CLIC1: variants seen among roughly 807,000 people sequenced by gnomAD.
The protein encoded by CLIC1 is CLIC family member 1, also known as chloride intracellular channel protein 1.
A neutral mutation model predicts 26.4 loss-of-function variants in CLIC1; 16 were observed. The ratio of observed to expected loss-of-function variants is 0.61; its 90% CI spans 0.41 to 0.92. CLIC1 has a LOEUF of 0.92. Ranked by LOEUF, CLIC1 falls within the 40% of genes least tolerant of loss-of-function variation. The pLI is 0.00. For missense variants in CLIC1, 225 were observed against 289.7 expected, an observed-to-expected ratio of 0.78 and a Z score of 1.62; for synonymous variants, 98 against 120.8, an observed-to-expected ratio of 0.81 and a Z score of 1.24.
At position 31,733,163 on chromosome 6, in the gene CLIC1, G is replaced by A. The variant is rs558683461; in HGVS notation, c.382+403C>T. 6.6e-6 allele frequency among the ~76,000 whole-genome samples: 1 copy of A among 152,138 alleles called. No individual in the cohort carries two copies. Among genetic ancestry groups the A allele is most frequent in the South Asian group, 2.1e-4 (1 of 4,814 alleles). Reference sequence around the variant, plus strand: ...AAATTTATATCAACCCATGAAATAGGTATTGTCATCCTAATTTTGTGGATC... The same window carrying A: ...AAATTTATATCAACCCATGAAATAGATATTGTCATCCTAATTTTGTGGATC... On this transcript the variant is annotated intron_variant, in intron 4 of 5. Transcript: ENST00000375784. This position sits in a 1 kb window ranked among gnomAD's most constrained non-coding sequence, Gnocchi z 5.4.
In CLIC1 at chr6:31,733,452, G is replaced by T; in HGVS notation, c.382+114C>A. The stretch of plus-strand genomic sequence containing the variant: ...AAATGGGAAGCTGGGGGAAATTTAC[G>T]AACATCTGCTTCATCTCCCTGATAT... On this transcript the variant is annotated intron_variant, in intron 4 of 5. Coordinates refer to ENST00000375784, the Ensembl canonical transcript of CLIC1. The surrounding 1 kb of genome is among the most constrained non-coding windows in gnomAD (Gnocchi z 5.4). 2 of 727,458 alleles carry T rather than the reference G, an allele frequency of 2.7e-6. No individual in the cohort carries two copies. The highest frequency in any genetic ancestry group is 3.4e-5 in the South Asian group (2 of 59,688). The allele number at this position is 727,458 out of a possible 1,614,324, so 45.1% of individuals were successfully genotyped here.
At position 31,733,683 on chromosome 6, in the gene CLIC1, A is replaced by G; in HGVS notation, c.276-11T>C. Reference sequence around the variant, plus strand: ...GCCAGCTTGGGGTACCTGAAAGCCAATGGGAAAAATGAGGTAAGATGTCTT... The same window carrying G: ...GCCAGCTTGGGGTACCTGAAAGCCAGTGGGAAAAATGAGGTAAGATGTCTT... On this transcript the variant is annotated splice_polypyrimidine_tract_variant and intron_variant, in intron 3 of 5. Transcript: ENST00000375784. This position sits in a 1 kb window ranked among gnomAD's most constrained non-coding sequence, Gnocchi z 5.4. The G allele has an allele frequency of 6.2e-7, 1 of 1,612,760 alleles. No homozygotes were observed. Among genetic ancestry groups the G allele is most frequent in the Non-Finnish European group, 8.5e-7 (1 of 1,179,644 alleles).
At chr6:31,736,591 G>A, upstream of CLIC1, 1 of 1,312,724 alleles carries the variant, frequency 7.6e-7, no homozygotes, top group Non-Finnish European at 9.7e-7. This position sits in a 1 kb window ranked among gnomAD's most constrained non-coding sequence, Gnocchi z 5.0. Context: ...AGGGGGGCGG[G>A]ACTCGACGAT....
chr6:31,736,135 A>C lies in CLIC1; in HGVS notation c.39+127T>G. 1.1e-6 allele frequency: 1 copy of C among 918,614 alleles called. No homozygotes were observed. The highest frequency in any genetic ancestry group is 1.8e-6 in the Non-Finnish European group (1 of 566,338). 56.9% of individuals were successfully genotyped at this position (918,614 alleles called of 1,614,324 possible). ...CCCTCTCAAAACCACCCCTCAACCA[A>C]AGAGTGCACGTGGGATTGGGGGTGG... is the stretch of plus-strand genomic sequence containing the variant. On this transcript the variant is annotated intron_variant, in intron 1 of 5. Transcript: ENST00000375784. This position sits in a 1 kb window ranked among gnomAD's most constrained non-coding sequence, Gnocchi z 5.0.
Position 31,733,485 on chromosome 6 carries a change from T to C in CLIC1, c.382+81A>G. ...GCTTCATCTCCCTGATATCTGAACG[T>C]CCAGGTGCCCCTAATGTCTCCTACC... is the stretch of plus-strand genomic sequence containing the variant. On this transcript the variant is annotated intron_variant, in intron 4 of 5. Transcript: ENST00000375784. This position sits in a 1 kb window ranked among gnomAD's most constrained non-coding sequence, Gnocchi z 5.4. 2 of 955,202 alleles carry C rather than the reference T, an allele frequency of 2.1e-6. No homozygotes were observed. 59.2% of individuals were successfully genotyped at this position (955,202 alleles called of 1,614,324 possible).
chr6:31,730,937 T>C lies in CLIC1; in HGVS notation c.631A>G (p.Ser211Gly). The change falls in exon 6 of 6, where the codon AGC (serine) becomes GGC (glycine). Residue 211 changes from serine (S) to glycine (G), a missense_variant. Coordinates refer to ENST00000375784, the Ensembl canonical transcript of CLIC1. This position sits in a 1 kb window ranked among gnomAD's most constrained non-coding sequence, Gnocchi z 5.1. ...AATTCTTCCCGGGCGTAGGCATTGC[T>C]CAAGTACCGATGCACTCCCCGGAAG... The C allele has an allele frequency of 6.2e-7, 1 of 1,613,050 alleles. No individual in the cohort carries two copies. The highest frequency in any genetic ancestry group is 8.5e-7 in the Non-Finnish European group (1 of 1,180,016).
chr6:31,734,213 C>T lies in CLIC1; in HGVS notation c.90G>A (p.Leu30=), dbSNP rs762068573. 7 of 1,614,108 alleles carry T rather than the reference C, an allele frequency of 4.3e-6. No individual in the cohort carries two copies. Among genetic ancestry groups the T allele is most frequent in the Middle Eastern group, 1.6e-4 (1 of 6,084 alleles). The stretch of plus-strand genomic sequence containing the variant: ...CTCCCTTGAGCCACAGTACCATGAA[C>T]AGTCTCTGGGAGAATGGGCAGTTCC... Residue 30 remains leucine, a synonymous_variant, in exon 2 of 6, where the codon CTG becomes CTA. Transcript: ENST00000375784. The surrounding 1 kb of genome is among the most constrained non-coding windows in gnomAD (Gnocchi z 5.3).
rs1475758279 is a variant in CLIC1 at position 31,730,834 on chromosome 6, G to A, written c.*8C>T. 1 of 1,612,976 alleles carries A rather than the reference G, an allele frequency of 6.2e-7. No individual in the cohort carries two copies. The highest frequency in any genetic ancestry group is 8.5e-7 in the Non-Finnish European group (1 of 1,179,962). Reference sequence around the variant, plus strand: ...AATGGAGGGGGTTGAGGGAGTCCCAGGAGGGGCTTATTTGAGGGCCTTTGC... The same window carrying A: ...AATGGAGGGGGTTGAGGGAGTCCCAAGAGGGGCTTATTTGAGGGCCTTTGC... On this transcript the variant is annotated 3_prime_UTR_variant, in exon 6 of 6. Coordinates refer to ENST00000375784, the Ensembl canonical transcript of CLIC1. The surrounding 1 kb of genome is among the most constrained non-coding windows in gnomAD (Gnocchi z 5.1).
At chr6:31,735,771 T>G (rs1275328426) in intron 1 of CLIC1, among the ~76,000 whole-genome samples, 2 of 142,382 alleles carry the variant, frequency 1.4e-5, no homozygotes, top group Non-Finnish European at 3.0e-5. Flanking sequence ...CTCTCAGGCC[T>G]CCCTCAACAC....
rs755862983 is a variant in CLIC1 at position 31,736,335 on chromosome 6, G to C, written c.-35C>G. On this transcript the variant is annotated 5_prime_UTR_variant, in exon 1 of 6. Transcript: ENST00000375784. The surrounding 1 kb of genome is among the most constrained non-coding windows in gnomAD (Gnocchi z 5.0). ...GGGGACCAGGAAGTGGCCGTCCCTG[G>C]GGGAACTGGGAGGGGCTGGGACCGG... 2 of 1,612,606 alleles carry C rather than the reference G, an allele frequency of 1.2e-6. No individual in the cohort carries two copies. The highest frequency in any genetic ancestry group is 1.1e-5 in the South Asian group (1 of 91,056).
chr6:31,736,668 G>C, upstream of CLIC1: 1 of 1,101,238 alleles, frequency 9.1e-7, no homozygotes, highest in South Asian at 3.2e-5. The surrounding 1 kb of genome is among the most constrained non-coding windows in gnomAD (Gnocchi z 5.0). Flanking sequence ...GTGTTAAGGA[G>C]GAGTCCTGAA....
Position 31,730,924 on chromosome 6 carries a change from G to T in CLIC1, c.644C>A (p.Ala215Asp). 6.2e-7 allele frequency: 1 copy of T among 1,613,094 alleles called. No homozygotes were observed. Among genetic ancestry groups the T allele is most frequent in the Non-Finnish European group, 8.5e-7 (1 of 1,180,038 alleles). ...ACAGGTGGAAGCGAATTCTTCCCGG[G>T]CGTAGGCATTGCTCAAGTACCGATG... Residue 215 changes from alanine (A) to aspartate (D), a missense_variant, in exon 6 of 6, where the codon GCC (alanine) becomes GAC (aspartate). Coordinates refer to ENST00000375784, the Ensembl canonical transcript of CLIC1. This position sits in a 1 kb window ranked among gnomAD's most constrained non-coding sequence, Gnocchi z 5.1.
At chr6:31,736,811 G>GT (rs1165315249), upstream of CLIC1, 2 of 988,690 alleles carry the variant, frequency 2.0e-6, no homozygotes, top group Non-Finnish European at 1.2e-6. The surrounding 1 kb of genome is among the most constrained non-coding windows in gnomAD (Gnocchi z 5.0). Flanking sequence ...GGGCACACCC[G>GT]TGAAGATTCA....
chr6:31,734,044 A>T lies in CLIC1; in HGVS notation c.150-83T>A. On this transcript the variant is annotated intron_variant, in intron 2 of 5. Coordinates refer to ENST00000375784, the Ensembl canonical transcript of CLIC1. This position sits in a 1 kb window ranked among gnomAD's most constrained non-coding sequence, Gnocchi z 5.3. ...GGGAATGGAGGACGTGGGATAAGAA[A>T]GGGACTCCAGGGGGAGGGCAAAAAT... 1 of 1,593,994 alleles carries T rather than the reference A, an allele frequency of 6.3e-7. No individual in the cohort carries two copies. Among genetic ancestry groups the T allele is most frequent in the Non-Finnish European group, 8.6e-7 (1 of 1,165,434 alleles).
Position 31,736,244 on chromosome 6 carries a change from G to A in CLIC1, c.39+18C>T. 1.2e-6 allele frequency: 2 copies of A among 1,612,732 alleles called. No individual in the cohort carries two copies. The highest frequency in any genetic ancestry group is 1.7e-6 in the Non-Finnish European group (2 of 1,179,778). On this transcript the variant is annotated intron_variant, in intron 1 of 5. Transcript: ENST00000375784. This position sits in a 1 kb window ranked among gnomAD's most constrained non-coding sequence, Gnocchi z 5.0. ...GGCTTCCAGGAATTTGGGTGGCTGA[G>A]GAGAGAAGTGTTCTTACCTTCACGA...
chr6:31,734,157 T>C lies in CLIC1; in HGVS notation c.146A>G (p.Lys49Arg). ...CAAGGAACATAAGCAGGCCTACCTT[T>C]TGGTGTCAACGGTGGTAACATTGAA... The change falls in exon 2 of 6, where the codon AAA (lysine) becomes AGA (arginine). Residue 49 changes from lysine to arginine, a missense_variant. Transcript: ENST00000375784. The surrounding 1 kb of genome is among the most constrained non-coding windows in gnomAD (Gnocchi z 5.3). 2 of 1,612,952 alleles carry C rather than the reference T, an allele frequency of 1.2e-6. No homozygotes were observed. Among genetic ancestry groups the C allele is most frequent in the Non-Finnish European group, 1.7e-6 (2 of 1,178,868 alleles).
At position 31,736,534 on chromosome 6, in the gene CLIC1, C is replaced by G; in HGVS notation, c.-234G>C. The G allele has an allele frequency of 7.3e-7, 1 of 1,365,838 alleles. No homozygotes were observed. Among genetic ancestry groups the G allele is most frequent in the South Asian group, 1.8e-5 (1 of 56,104 alleles). The allele number at this position is 1,365,838 out of a possible 1,614,324, so 84.6% of individuals were successfully genotyped here. ...CCTCTCCCGGGCTGGATCAGAGAGCCGCTGACTCACCGACCGGCCCCGCCC... is the reference window on the plus strand; with the variant it reads ...CCTCTCCCGGGCTGGATCAGAGAGCGGCTGACTCACCGACCGGCCCCGCCC... On this transcript the variant is annotated 5_prime_UTR_variant, in exon 1 of 6. Transcript: ENST00000375784. The surrounding 1 kb of genome is among the most constrained non-coding windows in gnomAD (Gnocchi z 5.0).
rs1021319451 is a variant in CLIC1, at chr6:31,734,816, A to T, written c.40-553T>A. Among the ~76,000 whole-genome samples, 1 of 151,374 alleles carries T rather than the reference A, an allele frequency of 6.6e-6. No homozygotes were observed. Among genetic ancestry groups the T allele is most frequent in the Non-Finnish European group, 1.5e-5 (1 of 67,878 alleles). On this transcript the variant is annotated intron_variant, in intron 1 of 5. Transcript: ENST00000375784. The surrounding 1 kb of genome is among the most constrained non-coding windows in gnomAD (Gnocchi z 5.3). Reference sequence around the variant, plus strand: ...TGGTGACCTCATTGGCCCAAGGGACACCTCCCCCTAAGCTGAGGGTGATTC... The same window carrying T: ...TGGTGACCTCATTGGCCCAAGGGACTCCTCCCCCTAAGCTGAGGGTGATTC...
chr6:31,730,714 CCGGAACAAGTGCTCCAGGA>C lies in CLIC1; in HGVS notation c.*109_*127del. 1 of 1,007,216 alleles carries C rather than the reference CCGGAACAAGTGCTCCAGGA, an allele frequency of 9.9e-7. No homozygotes were observed. The highest frequency in any genetic ancestry group is 2.4e-5 in the East Asian group (1 of 41,044). 62.4% of individuals were successfully genotyped at this position (1,007,216 alleles called of 1,614,324 possible). ...TCATCCCCTCTTCCACCACACCATC[CCGGAACAAGTGCTCCAGGA>C]TTCCCTGCCCACTGGCCATTTTGGA... On this transcript the variant is annotated 3_prime_UTR_variant, in exon 6 of 6. Transcript: ENST00000375784. The surrounding 1 kb of genome is among the most constrained non-coding windows in gnomAD (Gnocchi z 5.1).
Sources: gnomAD v4.1 joint callset for allele counts (sites outside exome capture counted in the v4.1 genomes callset) on GRCh38, gnomAD v4.1.1 for gene constraint, Gnocchi (gnomAD v3.1) non-coding constraint, MANE v1.5 for transcripts, NCBI Gene and HGNC (gene_info 2026-07-23, HGNC 2026-07-21) for gene names.